The following MGA variants were observed in gnomAD, a reference collection of about 807,000 sequenced individuals.
MGA encodes the protein MAX dimerization protein MGA, also known as MAX gene-associated protein.
Under a neutral mutation model 261.1 loss-of-function variants are expected in MGA, and 40 were observed. The ratio of observed to expected loss-of-function variants is 0.15; its 90% confidence interval spans 0.12 to 0.20. The LOEUF is 0.20. MGA is among the 10% of genes least tolerant of loss of function. MGA has a pLI of 1.00. For missense variants in MGA, 3,397 were observed against 3,630.5 expected, an observed-to-expected ratio of 0.94 and a Z score of 1.65; for synonymous variants, 1,302 against 1,290.6, an observed-to-expected ratio of 1.01 and a Z score of -0.19.
intron 19 of MGA, among the ~76,000 whole-genome samples, chr15:41,759,607 T>C (rs967315217): frequency 1.3e-5 from 2 of 151,944 alleles, no homozygotes; most frequent in African/African-American, 4.8e-5. Context: ...CTGGCCAGCC[T>C]TTTCATATAT....
chr15:41,760,672 C>T (rs1425468224), intron 20 of MGA, 143 bp downstream of exon 20: 5 of 733,756 alleles, frequency 6.8e-6, no homozygotes, highest in East Asian at 2.7e-5. Context: ...AGTGAATGCC[C>T]AGTAAATCCC....
In MGA at chr15:41,718,200, G is replaced by A. The variant is rs755347535; in HGVS notation, c.3430+4704G>A. 1.1e-3 allele frequency among the ~76,000 whole-genome samples: 172 copies of A among 150,716 alleles called. 1 individual carries two copies. Among genetic ancestry groups the A allele is most frequent in the Non-Finnish European group, 2.0e-3 (137 of 67,732 alleles). ...TGATATTAGTGAATGTGGTTAAATT[G>A]ATAAAAATTCAACATTTATCATCTC... On this transcript the variant is annotated intron_variant, in intron 9 of 23. Coordinates refer to ENST00000219905, the MANE Select transcript of MGA (RefSeq NM_001164273.2).
intron 1 of MGA, among the ~76,000 whole-genome samples, chr15:41,641,784 G>A (rs558484279): frequency 2.6e-5 from 4 of 151,842 alleles, no homozygotes; most frequent in African/African-American, 9.7e-5. Context: ...CACCGTGTCC[G>A]GCCTACACTT....
exon 1 of MGA, chr15:41,621,273 C>G (rs1473653745): frequency 6.6e-6 from 1 of 152,312 alleles, no homozygotes. Context: ...TTCCCGGCTC[C>G]TGGAGAGGCG....
chr15:41,736,718 T>C lies in MGA; in HGVS notation c.4434+20T>C, dbSNP rs1486236112. The C allele has an allele frequency of 6.4e-7, 1 of 1,571,100 alleles. No homozygotes were observed. The highest frequency in any genetic ancestry group is 8.6e-7 in the Non-Finnish European group (1 of 1,159,716). On this transcript the variant is annotated intron_variant, in intron 13 of 23. Coordinates refer to ENST00000219905, the MANE Select transcript of MGA (RefSeq NM_001164273.2). Reference sequence around the variant, plus strand: ...ATCCAGGTGAGAATTATCTTTAATCTGGGTATAGCACCTTTGTATACACCT... The same window carrying C: ...ATCCAGGTGAGAATTATCTTTAATCCGGGTATAGCACCTTTGTATACACCT...
chr15:41,696,848 A>G lies in MGA; in HGVS notation c.1838A>G (p.Lys613Arg). 1 of 1,599,300 alleles carries G rather than the reference A, an allele frequency of 6.3e-7. No individual in the cohort carries two copies. The highest frequency in any genetic ancestry group is 8.5e-7 in the Non-Finnish European group (1 of 1,172,654). ...AATGCCTCTCCAAATGTCCCTGGAA[A>G]AAGAGGAAGGCCACGAAAATTGAAA... The change falls in exon 3 of 24, where the codon AAA becomes AGA. Residue 613 changes from lysine to arginine, a missense_variant. This residue lies in a region of MGA where 563 missense variants were observed against 563.6 expected (regional missense o/e 1.00). Transcript: ENST00000219905.
chr15:41,703,430 T>C (rs2059958216), intron 5 of MGA, among the ~76,000 whole-genome samples: 1 of 126,780 alleles, frequency 7.9e-6, no homozygotes, highest in African/African-American at 2.9e-5. Context: ...AAGGAAGTCA[T>C]TATGCTTAGC....
In MGA at chr15:41,749,729, G is replaced by A. The variant is rs765418781; in HGVS notation, c.6122G>A (p.Gly2041Asp). 5 of 1,613,874 alleles carry A rather than the reference G, an allele frequency of 3.1e-6. No individual in the cohort carries two copies. The East Asian group carries it at 6.7e-5, about 22-fold the overall frequency. Residue 2041 changes from glycine (G) to aspartate (D), a missense_variant, in exon 17 of 24, where the codon GGT becomes GAT. Around this residue, in one of 9 missense-constraint regions of MGA, gnomAD observed 1,410 missense variants for 1,386.4 expected, o/e 1.02. Transcript: ENST00000219905. ...GATGAAGAATGCCTTCCAGAAGAAG[G>A]TTGTGCAACTGTCAAACCATCTGAG... is the stretch of plus-strand genomic sequence containing the variant.
In MGA at chr15:41,667,957, C is replaced by T. The variant is rs1174511628; in HGVS notation, c.-67-871C>T. The stretch of plus-strand genomic sequence containing the variant: ...TAGCTGGGACTACAGGCGTGCACCA[C>T]CACACCAGGCTAATTTTTTAATTTT... On this transcript the variant is annotated intron_variant, in intron 1 of 23. Coordinates refer to ENST00000219905, the MANE Select transcript of MGA (RefSeq NM_001164273.2). 3.3e-5 allele frequency among the ~76,000 whole-genome samples: 5 copies of T among 152,066 alleles called. No homozygotes were observed. The East Asian group carries it at 7.8e-4, about 24-fold the overall frequency.
intron 1 of MGA, among the ~76,000 whole-genome samples, chr15:41,661,285 G>C (rs929105697): frequency 6.6e-6 from 1 of 152,050 alleles, no homozygotes. Context: ...CTGTTAAATG[G>C]TCAAGTAGGT....
upstream of MGA, among the ~76,000 whole-genome samples, chr15:41,657,605 C>T (rs1244264991): frequency 2.6e-5 from 4 of 151,796 alleles, no homozygotes; most frequent in Non-Finnish European, 5.9e-5. Flanking sequence ...ATCTGCCTGC[C>T]TCGGACTCCC....
chr15:41,696,923 C>T lies in MGA; in HGVS notation c.1913C>T (p.Ser638Phe). 6.2e-7 allele frequency: 1 copy of T among 1,601,844 alleles called. No homozygotes were observed. Among genetic ancestry groups the T allele is most frequent in the South Asian group, 1.1e-5 (1 of 88,722 alleles). ...AAGAACACAGGAAAGTCTTTAATTT[C>T]TACAAAGAATACACCTGTAAGCCCT... Residue 638 changes from serine to phenylalanine, a missense_variant, in exon 3 of 24, where the codon TCT becomes TTT. Transcript: ENST00000219905.
At chr15:41,666,476 G>A (rs2057744671) in intron 1 of MGA, among the ~76,000 whole-genome samples, 1 of 152,086 alleles carries the variant, frequency 6.6e-6, no homozygotes, top group South Asian at 2.1e-4. Context: ...TACCTATCAG[G>A]TACTATGTTC....
At chr15:41,703,830 G>A (rs929255536) in intron 5 of MGA, among the ~76,000 whole-genome samples, 1 of 152,192 alleles carries the variant, frequency 6.6e-6, no homozygotes, top group African/African-American at 2.4e-5. Flanking sequence ...TTTTGAGACA[G>A]GGTCTCGCTT....
chr15:41,742,854 G>T lies in MGA; in HGVS notation c.4894G>T (p.Ala1632Ser). 1 of 1,613,964 alleles carries T rather than the reference G, an allele frequency of 6.2e-7. No homozygotes were observed. The highest frequency in any genetic ancestry group is 8.5e-7 in the Non-Finnish European group (1 of 1,179,888). ...TAAAGAAACTACTTATTCTTCTGGT[G>T]CCACCACTACAGGGGTTGTTGAGGT... The change falls in exon 15 of 24, where the codon GCC (alanine) becomes TCC (serine). Residue 1632 changes from alanine (A) to serine (S), a missense_variant. By Grantham distance (99) the Ala-to-Ser change is moderately conservative (BLOSUM62 1). Around this residue, in one of 9 missense-constraint regions of MGA, gnomAD observed 1,410 missense variants for 1,386.4 expected, o/e 1.02. Coordinates refer to ENST00000219905, the MANE Select transcript of MGA (RefSeq NM_001164273.2).
intron 14 of MGA, 137 bp downstream of exon 14, chr15:41,740,340 G>A: frequency 1.0e-6 from 1 of 966,388 alleles, no homozygotes; most frequent in Non-Finnish European, 1.5e-6. Context: ...GTCTTGCCTG[G>A]ACTTTTTTGA....
intron 1 of MGA, among the ~76,000 whole-genome samples, chr15:41,627,409 T>C (rs2056482022): frequency 6.6e-6 from 1 of 152,214 alleles, no homozygotes; most frequent in African/African-American, 2.4e-5. Context: ...TTGACACTTT[T>C]GAGGAATACC....
rs1555417819 is a variant in MGA at position 41,700,041 on chromosome 15, G to GCTT, written c.2188+882_2188+883insCTT. ...CTGTACCTATCAACCTGTCATCGAGGTTTTTTTTTTTTTTTTTTTTTTTGA... is the reference window on the plus strand; with the variant it reads ...CTGTACCTATCAACCTGTCATCGAGGCTTTTTTTTTTTTTTTTTTTTTTTTTGA... On this transcript the variant is annotated intron_variant, in intron 5 of 23. Transcript: ENST00000219905. Among the ~76,000 whole-genome samples, 3 of 101,566 alleles carry GCTT rather than the reference G, an allele frequency of 3.0e-5. No individual in the cohort carries two copies. In the East Asian group the frequency reaches 1.2e-3, roughly 42 times the overall value. The allele number at this position is 101,566 out of a possible 152,430, so 66.6% of individuals were successfully genotyped here.
At chr15:41,643,204 CTTTTT>C (rs35165330) in intron 1 of MGA, among the ~76,000 whole-genome samples, 3 of 133,354 alleles carry the variant, frequency 2.2e-5, no homozygotes, top group Non-Finnish European at 3.3e-5. Flanking sequence ...GTGCCTGGCT[CTTTTT>C]TTTTTTTTTA....
Sources: allele counts gnomAD v4.1 joint callset (sites outside exome capture counted in the v4.1 genomes callset), GRCh38; gene constraint gnomAD v4.1.1; regional missense constraint gnomAD v4.1.1; transcripts MANE v1.5; gene names NCBI Gene and HGNC (gene_info 2026-07-23, HGNC 2026-07-21).